The following HSPG2 variants were observed in gnomAD, a reference collection of about 807,000 sequenced individuals.
HSPG2 encodes the protein heparan sulfate proteoglycan 2.
In HSPG2, 278 loss-of-function variants were observed where a neutral mutation model predicts 526.6. That is an observed-to-expected ratio of 0.53 (90% confidence interval 0.48 to 0.58). The LOEUF (loss-of-function observed/expected upper bound fraction) is 0.58. Among genes scored for constraint, HSPG2 ranks in the 20% least tolerant of loss-of-function variants. The probability of loss-of-function intolerance (pLI) is 0.00; values close to 1 mark genes in which losing one functional copy is unlikely to be tolerated. For synonymous variants in HSPG2, 2,465 were observed against 2,555.4 expected (o/e 0.96, Z 1.07); for missense variants, 5,354 against 6,099.5 (o/e 0.88, Z 4.07).
In HSPG2 at chr1:21,824,540, A is replaced by G; in HGVS notation, c.12741T>C (p.Gly4247=). The G allele has an allele frequency of 6.2e-7, 1 of 1,612,536 alleles. No homozygotes were observed. The stretch of plus-strand genomic sequence containing the variant: ...CCAGCCGGATACCCACACTCACCAC[A>G]CCCTGCCAGAGCAGGAGGCCACTGG... ...STASGLLLWQ[G]VEVGEAGQGK... Residue 4247 remains glycine (G), a synonymous_variant, in exon 93 of 97, where the codon GGT becomes GGC. Coordinates refer to ENST00000374695, the MANE Select transcript of HSPG2 (RefSeq NM_005529.7). The surrounding 1 kb of genome is among the most constrained non-coding windows in gnomAD (Gnocchi z 5.9).
chr1:21,911,953 CTAAA>C (rs1207809574), intron 1 of HSPG2, among the ~76,000 whole-genome samples: 1 of 152,218 alleles, frequency 6.6e-6, no homozygotes, highest in East Asian at 1.9e-4. Context: ...CAAGAAACCA[CTAAA>C]TAAAGGATTT....
chr1:21,822,250 G>A lies in HSPG2; in HGVS notation c.*1066C>T, dbSNP rs200353436. 5.6e-6 allele frequency: 9 copies of A among 1,599,520 alleles called. No individual in the cohort carries two copies. In the Admixed American group the frequency reaches 1.5e-4, roughly 27 times the overall value. On this transcript the variant is annotated 3_prime_UTR_variant, in exon 97 of 97. Transcript: ENST00000374695. ...CAAAGACTCAGGAGGCCCCTGGCGG[G>A]GATAGCACCGTTTATTAAGAAAAAT...
rs142756395 is a variant in HSPG2 at position 21,862,101 on chromosome 1, G to A, written c.4755C>T (p.Asn1585=). The change falls in exon 38 of 97, where the codon AAC becomes AAT. Residue 1585 remains asparagine (N), a synonymous_variant. Coordinates refer to ENST00000374695, the MANE Select transcript of HSPG2 (RefSeq NM_005529.7). ...ETGACSQCQH[N]AAGEFCELCA... ...AAAGCTCGCAGAACTCCCCTGCGGC[G>A]TTGTGCTGGCATTGCTGCAGGGCAC... 5.5e-5 allele frequency: 88 copies of A among 1,613,222 alleles called. No homozygotes were observed. Among genetic ancestry groups the A allele is most frequent in the African/African-American group, 4.1e-4 (31 of 75,060 alleles).
chr1:21,875,816 G>T (rs1641015433), intron 24 of HSPG2, 47 bp downstream of exon 24: 2 of 1,606,058 alleles, frequency 1.2e-6, no homozygotes, highest in African/African-American at 2.7e-5. Context: ...AGAGGCAGGA[G>T]CAAGGGCCTG....
Position 21,841,723 on chromosome 1 carries a change from C to T in HSPG2, c.9194-50G>A, listed in dbSNP as rs7556412. ...GAGAGAGGATTGACCTGGTCCTTCT[C>T]GTGTCTTGGTGCTGCCAGCCTGTGC... On this transcript the variant is annotated intron_variant, in intron 69 of 96. Coordinates refer to ENST00000374695, the MANE Select transcript of HSPG2 (RefSeq NM_005529.7). 1,041,259 of 1,609,232 alleles carry T rather than the reference C, an allele frequency of 0.65. 338,829 individuals are homozygous for T. The highest frequency in any genetic ancestry group is 0.83 in the East Asian group (37,337 of 44,822).
intron 80 of HSPG2, chr1:21,833,022 T>A: frequency 1.7e-6 from 1 of 586,386 alleles, no homozygotes. Context: ...CTGGGGGTGA[T>A]GCCCCGGTGG....
At position 21,847,308 on chromosome 1, in the gene HSPG2, G is replaced by GAACA. The variant is rs562581447; in HGVS notation, c.8164+42_8164+45dup. 3.8e-4 allele frequency: 617 copies of GAACA among 1,609,624 alleles called. 2 individuals carry two copies. The African/African-American group carries it at 6.5e-3, about 17-fold the overall frequency. The stretch of plus-strand genomic sequence containing the variant: ...GACCTGAAAGTTCCTTCTCCCCAGG[G>GAACA]AACACTGTTGCCTGCATCCCTCGTC... On this transcript the variant is annotated intron_variant, in intron 62 of 96. Transcript: ENST00000374695. This position sits in a 1 kb window ranked among gnomAD's most constrained non-coding sequence, Gnocchi z 4.1.
intron 1 of HSPG2, among the ~76,000 whole-genome samples, chr1:21,914,709 C>T (rs570430604): frequency 6.6e-6 from 1 of 152,298 alleles, no homozygotes. Context: ...ATGCCTGTTC[C>T]ATCCACTTCG....
rs555422572 is a variant in HSPG2 at position 21,850,881 on chromosome 1, T to C, written c.7159-383A>G. ...GTAACAACAATAGCTAATGGCATTATAGTAAAATATTAACAGCTTAGAGTA... is the reference window on the plus strand; with the variant it reads ...GTAACAACAATAGCTAATGGCATTACAGTAAAATATTAACAGCTTAGAGTA... On this transcript the variant is annotated intron_variant, in intron 55 of 96. Transcript: ENST00000374695. Among the ~76,000 whole-genome samples, 28 of 152,300 alleles carry C rather than the reference T, an allele frequency of 1.8e-4. No individual in the cohort carries two copies. The South Asian group carries it at 5.4e-3, about 29-fold the overall frequency.
Position 21,859,561 on chromosome 1 carries a change from C to A in HSPG2, c.5293+5G>T. The A allele has an allele frequency of 6.3e-7, 1 of 1,581,722 alleles. No individual in the cohort carries two copies. Among genetic ancestry groups the A allele is most frequent in the Non-Finnish European group, 8.6e-7 (1 of 1,162,198 alleles). On this transcript the variant is annotated splice_donor_5th_base_variant and intron_variant, in intron 42 of 96. Coordinates refer to ENST00000374695, the MANE Select transcript of HSPG2 (RefSeq NM_005529.7). The surrounding 1 kb of genome is among the most constrained non-coding windows in gnomAD (Gnocchi z 5.3). ...GTCTTGGTTACAGGGGGCGTAGGGA[C>A]TCACCAGTGACCAGCAGCTCTGCCC...
Position 21,839,235 on chromosome 1 carries a change from C to G in HSPG2, c.9889+136G>C, listed in dbSNP as rs1030316238. 1.0e-4 allele frequency: 148 copies of G among 1,427,018 alleles called. 1 individual carries two copies. Among genetic ancestry groups the G allele is most frequent in the Non-Finnish European group, 1.4e-4 (142 of 1,034,332 alleles). 88.4% of individuals were successfully genotyped at this position (1,427,018 alleles called of 1,614,324 possible). A position where few individuals can be genotyped will look rare whatever the true frequency, so the allele number is the denominator to read the frequency against. On this transcript the variant is annotated intron_variant, in intron 73 of 96. Transcript: ENST00000374695. This position sits in a 1 kb window ranked among gnomAD's most constrained non-coding sequence, Gnocchi z 4.5. ...AGGTCCCAGGCCAGGGTGTGGGTGT[C>G]GGGCAGGGCAGGCTCCAGGACCCTG... is the stretch of plus-strand genomic sequence containing the variant.
At chr1:21,867,120 CTT>C (rs3077631) in intron 33 of HSPG2, among the ~76,000 whole-genome samples, 1 of 123,420 alleles carries the variant, frequency 8.1e-6, no homozygotes, top group Non-Finnish European at 1.6e-5. Flanking sequence ...TGCTCAGGCA[CTT>C]TTTTTTTTTT....
chr1:21,920,691 T>C (rs1644013170), intron 1 of HSPG2, among the ~76,000 whole-genome samples: 1 of 152,206 alleles, frequency 6.6e-6, no homozygotes, highest in African/African-American at 2.4e-5. Flanking sequence ...GCCCCTGCTC[T>C]CCGGGGCTCT....
Position 21,857,294 on chromosome 1 carries a change from G to T in HSPG2, c.5385C>A (p.Ala1795=). ...TCCCTGACCTGCACACCTTGCTTTTGGCTGTGCAGATGAAGGTGACGTCAG... is the reference window on the plus strand; with the variant it reads ...TCCCTGACCTGCACACCTTGCTTTTTGCTGTGCAGATGAAGGTGACGTCAG... ...PGADVTFICT[A]KSKSPAYTLV... Residue 1795 remains alanine, a synonymous_variant, in exon 43 of 97, where the codon GCC becomes GCA. Coordinates refer to ENST00000374695, the MANE Select transcript of HSPG2 (RefSeq NM_005529.7). 1 of 1,613,990 alleles carries T rather than the reference G, an allele frequency of 6.2e-7. No homozygotes were observed. Among genetic ancestry groups the T allele is most frequent in the Non-Finnish European group, 8.5e-7 (1 of 1,179,936 alleles).
Position 21,904,253 on chromosome 1 carries a change from G to A in HSPG2, c.64-7943C>T, listed in dbSNP as rs866872993. On this transcript the variant is annotated intron_variant, in intron 1 of 96. Transcript: ENST00000374695. This position sits in a 1 kb window ranked among gnomAD's most constrained non-coding sequence, Gnocchi z 4.4. The stretch of plus-strand genomic sequence containing the variant: ...GCTGGGGAAGATTTCCAGAAGAAAT[G>A]CTAACTCAGCTGGGCCTGAGAGATG... Among the ~76,000 whole-genome samples the A allele has an allele frequency of 2.0e-5, 3 of 152,166 alleles. No homozygotes were observed. Among genetic ancestry groups the A allele is most frequent in the African/African-American group, 7.2e-5 (3 of 41,440 alleles).
At position 21,828,724 on chromosome 1, in the gene HSPG2, C is replaced by T. The variant is rs570890757; in HGVS notation, c.12237+111G>A. The T allele has an allele frequency of 2.7e-5, 39 of 1,455,828 alleles. No homozygotes were observed. Among genetic ancestry groups the T allele is most frequent in the East Asian group, 2.0e-4 (8 of 40,438 alleles). 90.2% of individuals were successfully genotyped at this position (1,455,828 alleles called of 1,614,324 possible). Reference sequence around the variant, plus strand: ...AGGTACAGTGTCCTGGCCCAGGGCCCGTGGGTGGCTGCAGGTGGAGGGGCC... The same window carrying T: ...AGGTACAGTGTCCTGGCCCAGGGCCTGTGGGTGGCTGCAGGTGGAGGGGCC... On this transcript the variant is annotated intron_variant, in intron 88 of 96. Coordinates refer to ENST00000374695, the MANE Select transcript of HSPG2 (RefSeq NM_005529.7). The surrounding 1 kb of genome is among the most constrained non-coding windows in gnomAD (Gnocchi z 6.0).
intron 1 of HSPG2, among the ~76,000 whole-genome samples, chr1:21,916,675 G>C (rs909056830): frequency 7.0e-6 from 1 of 141,856 alleles, no homozygotes; most frequent in East Asian, 2.1e-4. Context: ...CCAGGCGACA[G>C]TGCGAGACTC....
Position 21,824,335 on chromosome 1 carries a change from G to T in HSPG2, c.12786C>A (p.Leu4262=). The change falls in exon 94 of 97, where the codon CTC becomes CTA. Residue 4262 remains leucine (L), a synonymous_variant. Coordinates refer to ENST00000374695, the MANE Select transcript of HSPG2 (RefSeq NM_005529.7). The surrounding 1 kb of genome is among the most constrained non-coding windows in gnomAD (Gnocchi z 5.9). The stretch of plus-strand genomic sequence containing the variant: ...AGACAAGGTGCCCGTCTTGAAGCCC[G>T]AGGCTGATGAAGTCCTTGCCTTGGC... ...EAGQGKDFIS[L]GLQDGHLVFR... 6.2e-7 allele frequency: 1 copy of T among 1,613,922 alleles called. No individual in the cohort carries two copies. Among genetic ancestry groups the T allele is most frequent in the Non-Finnish European group, 8.5e-7 (1 of 1,180,020 alleles).
At chr1:21,917,610 C>T (rs1224009866) in intron 1 of HSPG2, among the ~76,000 whole-genome samples, 3 of 152,198 alleles carry the variant, frequency 2.0e-5, no homozygotes, top group Non-Finnish European at 2.9e-5. Context: ...CATCAGCCCC[C>T]TGAGGCTCCT....
Sources: gnomAD v4.1 joint callset for allele counts (sites outside exome capture counted in the v4.1 genomes callset) on GRCh38, gnomAD v4.1.1 for gene constraint, Gnocchi (gnomAD v3.1) non-coding constraint, MANE v1.5 for transcripts, NCBI Gene and HGNC (gene_info 2026-07-23, HGNC 2026-07-21) for gene names.